The following MAP3K8 variants were observed in gnomAD, a reference collection of about 807,000 sequenced individuals.
MAP3K8 encodes Ewing sarcoma transformant.
In MAP3K8, 22 loss-of-function variants were observed where a neutral mutation model predicts 45.8. That is an observed-to-expected ratio of 0.48 (90% confidence interval 0.34 to 0.69). The LOEUF (loss-of-function observed/expected upper bound fraction) is 0.69, where lower values mean the gene tolerates loss of function less well. Ranked by LOEUF, MAP3K8 falls within the 30% of genes least tolerant of loss-of-function variation. The pLI, the probability that MAP3K8 is intolerant of heterozygous loss-of-function variation, is 0.01. For synonymous variants in MAP3K8, 223 were observed against 214.3 expected, an observed-to-expected ratio of 1.04 and a Z score of -0.36; for missense variants, 419 against 585.0, an observed-to-expected ratio of 0.72 and a Z score of 2.93.
At position 30,450,413 on chromosome 10, in the gene MAP3K8, G is replaced by A. The variant is rs762023430; in HGVS notation, c.660G>A (p.Glu220=). 6.2e-6 allele frequency: 10 copies of A among 1,614,034 alleles called. No homozygotes were observed. Among genetic ancestry groups the A allele is most frequent in the South Asian group, 2.2e-5 (2 of 91,092 alleles). Residue 220 remains glutamate, a synonymous_variant, in exon 5 of 9, where the codon GAG becomes GAA. Coordinates refer to ENST00000263056, the MANE Select transcript of MAP3K8 (RefSeq NM_005204.4). ...GAGGGTCTGTTCTGGAGAAACTGGA[G>A]AGCTGTGGACCAATGAGAGAATTTG... ...GEGGSVLEKL[E]SCGPMREFEI... is the part of the protein sequence containing the mutation.
At chr10:30,450,761 G>A (rs1181065216) in intron 5 of MAP3K8, 2 of 461,318 alleles carry the variant, frequency 4.3e-6, no homozygotes, top group Non-Finnish European at 7.8e-6. Context: ...TACCTATTAG[G>A]TACTGCTCTG....
Position 30,439,205 on chromosome 10 carries a change from C to T in MAP3K8, c.267C>T (p.Asn89=), listed in dbSNP as rs1177151314. 1 of 1,614,060 alleles carries T rather than the reference C, an allele frequency of 6.2e-7. No homozygotes were observed. Among genetic ancestry groups the T allele is most frequent in the Admixed American group, 1.7e-5 (1 of 60,006 alleles). ...GTVEDLLAFA[N]HISNTAKHFY... ...TGGAGGATTTGCTTGCTTTTGCAAA[C>T]CATATATCCAACACTGCAAAGCATT... Residue 89 remains asparagine, a synonymous_variant, in exon 3 of 9, where the codon AAC becomes AAT. Transcript: ENST00000263056.
chr10:30,455,059 T>G (rs1185693350), intron 6 of MAP3K8, among the ~76,000 whole-genome samples: 5 of 152,298 alleles, frequency 3.3e-5, no homozygotes, highest in South Asian at 2.1e-4. Flanking sequence ...GCGGAATGCA[T>G]GGATATGAGA....
In MAP3K8 at chr10:30,458,072, C is replaced by T. The variant is rs1355846927; in HGVS notation, c.874-12C>T. 4 of 1,460,544 alleles carry T rather than the reference C, an allele frequency of 2.7e-6. No homozygotes were observed. Among genetic ancestry groups the T allele is most frequent in the Middle Eastern group, 1.8e-4 (1 of 5,466 alleles). 90.5% of individuals were successfully genotyped at this position (1,460,544 alleles called of 1,614,324 possible). Reference sequence around the variant, plus strand: ...GGGGAATGAAGCTGAATGTTTCCCACTTCTTTTTCAGATTTACATGAGCCC... The same window carrying T: ...GGGGAATGAAGCTGAATGTTTCCCATTTCTTTTTCAGATTTACATGAGCCC... On this transcript the variant is annotated splice_polypyrimidine_tract_variant and intron_variant, in intron 6 of 8. Coordinates refer to ENST00000263056, the MANE Select transcript of MAP3K8 (RefSeq NM_005204.4).
At position 30,447,940 on chromosome 10, in the gene MAP3K8, G is replaced by T. The variant is rs143662794; in HGVS notation, c.495G>T (p.Ala165=). Reference sequence around the variant, plus strand: ...ATATAAAGACGAAGAAAAGAATGGCGTGTAAACTGGTATGTGTTTTCTACC... The same window carrying T: ...ATATAAAGACGAAGAAAAGAATGGCTTGTAAACTGGTATGTGTTTTCTACC... ...AQDIKTKKRM[A]CKLIPVDQFK... The change falls in exon 4 of 9, where the codon GCG becomes GCT. Residue 165 remains alanine (A), a synonymous_variant. Coordinates refer to ENST00000263056, the MANE Select transcript of MAP3K8 (RefSeq NM_005204.4). 5.6e-6 allele frequency: 9 copies of T among 1,607,264 alleles called. No individual in the cohort carries two copies. In the South Asian group the frequency reaches 1.0e-4, roughly 18 times the overall value.
intron 3 of MAP3K8, among the ~76,000 whole-genome samples, chr10:30,442,650 A>G (rs1443049000): frequency 6.6e-6 from 1 of 152,244 alleles, no homozygotes; most frequent in Non-Finnish European, 1.5e-5. Context: ...AGAGTGCTGC[A>G]TGTTATTTAT....
intron 7 of MAP3K8, 148 bp downstream of exon 7, chr10:30,458,384 C>T: frequency 2.0e-6 from 1 of 490,044 alleles, no homozygotes; most frequent in Non-Finnish European, 3.4e-6. Flanking sequence ...AAGTTCTTCC[C>T]ATGTAGAAGC....
chr10:30,440,380 A>C (rs986329964), intron 3 of MAP3K8, among the ~76,000 whole-genome samples: 6 of 152,218 alleles, frequency 3.9e-5, no homozygotes, highest in Non-Finnish European at 8.8e-5. Flanking sequence ...TCGGTGCTGA[A>C]TGAGTGCGGA....
chr10:30,443,244 T>G (rs570404453), intron 3 of MAP3K8, among the ~76,000 whole-genome samples: 2 of 152,336 alleles, frequency 1.3e-5, no homozygotes, highest in African/African-American at 4.8e-5. Context: ...AGTTTACTCA[T>G]TCATAAAATG....
intron 2 of MAP3K8, among the ~76,000 whole-genome samples, chr10:30,437,675 T>G (rs1010575505): frequency 1.3e-5 from 2 of 152,218 alleles, no homozygotes; most frequent in Non-Finnish European, 2.9e-5. Context: ...TGAAATTCAC[T>G]GAGAGGCAGA....
intron 4 of MAP3K8, among the ~76,000 whole-genome samples, chr10:30,449,078 G>A (rs894233292): frequency 6.6e-6 from 1 of 152,128 alleles, no homozygotes. Context: ...AGCCAGACAC[G>A]AAATGAGATC....
At chr10:30,447,565 G>A (rs1055549946) in intron 3 of MAP3K8, among the ~76,000 whole-genome samples, 3 of 152,118 alleles carry the variant, frequency 2.0e-5, no homozygotes, top group African/African-American at 7.2e-5. Flanking sequence ...AATATGACCA[G>A]GTCTGACCAG....
intron 3 of MAP3K8, 106 bp downstream of exon 3, chr10:30,439,380 A>G: frequency 2.0e-6 from 3 of 1,483,062 alleles, no homozygotes; most frequent in South Asian, 2.7e-5. Flanking sequence ...GCTGGCAGGC[A>G]TGATTTTAAA....
At chr10:30,446,263 C>T (rs539582406) in intron 3 of MAP3K8, among the ~76,000 whole-genome samples, 24 of 152,088 alleles carry the variant, frequency 1.6e-4, no homozygotes, top group Admixed American at 4.6e-4. Flanking sequence ...AGCCAGGCGC[C>T]GTGGCTCACG....
intron 2 of MAP3K8, among the ~76,000 whole-genome samples, chr10:30,437,981 A>G (rs1296286141): frequency 6.6e-6 from 1 of 152,196 alleles, no homozygotes; most frequent in Non-Finnish European, 1.5e-5. Context: ...GTCAGTTTTT[A>G]CCCTTGCTTT....
chr10:30,454,245 A>G (rs976498398), intron 6 of MAP3K8, among the ~76,000 whole-genome samples: 6 of 152,152 alleles, frequency 3.9e-5, no homozygotes, highest in Non-Finnish European at 8.8e-5. Flanking sequence ...TTGGTGTTCA[A>G]TCAGATGACA....
At chr10:30,448,805 A>C (rs986209438) in intron 4 of MAP3K8, among the ~76,000 whole-genome samples, 2 of 152,130 alleles carry the variant, frequency 1.3e-5, no homozygotes, top group Non-Finnish European at 2.9e-5. Context: ...TAAGGTGAGC[A>C]TTCACACCCC....
In MAP3K8 at chr10:30,451,839, G is replaced by T. The variant is rs1419173388; in HGVS notation, c.873+95G>T. On this transcript the variant is annotated intron_variant, in intron 6 of 8. Transcript: ENST00000263056. Reference sequence around the variant, plus strand: ...TTGTGGGAACGAAGGACAAAGAAGGGGAAGAAACCCACTGCATTAAATCAT... The same window carrying T: ...TTGTGGGAACGAAGGACAAAGAAGGTGAAGAAACCCACTGCATTAAATCAT... The T allele has an allele frequency of 6.4e-6, 4 of 629,282 alleles. No individual in the cohort carries two copies. In the East Asian group the frequency reaches 1.2e-4, roughly 18 times the overall value. 39.0% of individuals were successfully genotyped at this position (629,282 alleles called of 1,614,324 possible).
intron 3 of MAP3K8, among the ~76,000 whole-genome samples, chr10:30,445,437 AC>A (rs1360547971): frequency 6.6e-6 from 1 of 152,150 alleles, no homozygotes; most frequent in Non-Finnish European, 1.5e-5. Flanking sequence ...AAACAAAAAA[AC>A]CTAAACTGGG....
Sources: allele counts gnomAD v4.1 joint callset (sites outside exome capture counted in the v4.1 genomes callset), GRCh38; gene constraint gnomAD v4.1.1; transcripts MANE v1.5; gene names NCBI Gene and HGNC (gene_info 2026-07-23, HGNC 2026-07-21).